The following MEG3 variants were observed in gnomAD, a reference collection of about 807,000 sequenced individuals.
MEG3 encodes the protein Very putative protein from MEG3 locus.
intron 2 of MEG3, among the ~76,000 whole-genome samples, chr14:100,841,176 C>A (rs896840303): frequency 6.6e-6 from 1 of 152,220 alleles, no homozygotes; most frequent in East Asian, 1.9e-4. Context: ...GCACCAGGGA[C>A]AAAGTCCCTG....
chr14:100,842,789 T>A, intron 2 of MEG3, among the ~76,000 whole-genome samples: 1 of 152,214 alleles, frequency 6.6e-6, no homozygotes. Flanking sequence ...AGCTAGAGTT[T>A]TCTAATCCCA....
At chr14:100,832,042 A>C (rs1408710651), downstream of MEG3, 1 of 152,218 alleles carries the variant, frequency 6.6e-6, no homozygotes, top group African/African-American at 2.4e-5. Context: ...CGAAGAGAGA[A>C]GAAAGAAGTG....
At chr14:100,832,746 C>A (rs1215166534), downstream of MEG3, 2 of 152,614 alleles carry the variant, frequency 1.3e-5, no homozygotes, top group Non-Finnish European at 2.9e-5. Context: ...AAGTCTTTGC[C>A]TCTGTCCCAG....
rs1006834719 is a variant in MEG3 at position 100,837,701 on chromosome 14, G to A, written n.3045+1401G>A. Among the ~76,000 whole-genome samples the A allele has an allele frequency of 2.8e-4, 42 of 150,892 alleles. 1 individual carries two copies. Among genetic ancestry groups the A allele is most frequent in the Non-Finnish European group, 5.3e-4 (36 of 67,896 alleles). On this transcript the variant is annotated intron_variant and non_coding_transcript_variant, in intron 2 of 3. Coordinates refer to the MEG3 transcript ENST00000398461. The surrounding 1 kb of genome is among the most constrained non-coding windows in gnomAD (Gnocchi z 5.8). Reference sequence around the variant, plus strand: ...CCCCGGAGTGTCTCTGGTTTCCGACGCAGCCTCGTAATGCTCTTTAATCAA... The same window carrying A: ...CCCCGGAGTGTCTCTGGTTTCCGACACAGCCTCGTAATGCTCTTTAATCAA...
intron 2 of MEG3, among the ~76,000 whole-genome samples, chr14:100,839,947 C>CTG (rs3075324): frequency 0.44 from 67,513 of 151,944 alleles, 15,219 homozygotes; most frequent in Admixed American, 0.47. Flanking sequence ...CCATGGAAAA[C>CTG]TGGTCACTTT....
At chr14:100,834,999 C>G (rs1372475926) in exon 1 of MEG3, 4 of 361,154 alleles carry the variant, frequency 1.1e-5, no homozygotes, top group African/African-American at 8.5e-5. Context: ...TGGGCACCGG[C>G]CACCGTAGCC....
intron 3 of MEG3, chr14:100,848,765 G>A (rs1355816372): frequency 1.3e-5 from 2 of 152,164 alleles, no homozygotes; most frequent in African/African-American, 4.8e-5. Flanking sequence ...AAGAATAAAT[G>A]CGTGCATTCC....
At chr14:100,831,119 T>G (rs910262236), downstream of MEG3, 19 of 153,204 alleles carry the variant, frequency 1.2e-4, no homozygotes, top group African/African-American at 4.6e-4. Context: ...TGAATGTTTC[T>G]GTCACTTTTT....
intron 3 of MEG3, chr14:100,847,178 C>G (rs1830362386): frequency 6.6e-6 from 1 of 151,308 alleles, no homozygotes; most frequent in Admixed American, 6.6e-5. Context: ...CAAAGAATAG[C>G]AAAGAAAGAA....
intron 2 of MEG3, among the ~76,000 whole-genome samples, chr14:100,842,590 C>T (rs1050705808): frequency 6.6e-6 from 1 of 152,182 alleles, no homozygotes; most frequent in Admixed American, 6.5e-5. Flanking sequence ...AGTACGAGAT[C>T]TGAGGCAAGA....
At chr14:100,847,221 C>A (rs2037943796) in intron 3 of MEG3, 1 of 151,902 alleles carries the variant, frequency 6.6e-6, no homozygotes, top group Non-Finnish European at 1.5e-5. Flanking sequence ...TGAGAGTGTA[C>A]TTTTACCAAA....
chr14:100,830,344 AACACACACACACAC>A (rs142049070), downstream of MEG3: 1 of 30,238 alleles, frequency 3.3e-5, no homozygotes, highest in Non-Finnish European at 7.4e-5. Context: ...TGGAGATTAA[AACACACACACACAC>A]ACACACACAC....
intron 2 of MEG3, among the ~76,000 whole-genome samples, chr14:100,844,973 T>C (rs1410736509): frequency 2.0e-5 from 3 of 152,126 alleles, no homozygotes; most frequent in African/African-American, 4.8e-5. Flanking sequence ...GTGTGTGCCA[T>C]GGTTTTGGGA....
chr14:100,850,062 G>A (rs1342065885), intron 3 of MEG3: 1 of 152,228 alleles, frequency 6.6e-6, no homozygotes, highest in Non-Finnish European at 1.5e-5. Context: ...ATGCGGGGAA[G>A]AAAGATTGCA....
chr14:100,845,373 C>G lies in MEG3; in HGVS notation n.3046-85C>G, dbSNP rs554706807. ...CTCCAGGCCACCCCTGCCCGCCCCC[C>G]AGAGCTGTTGTCCTCATCCGCCCTC... On this transcript the variant is annotated intron_variant and non_coding_transcript_variant, in intron 2 of 3. Coordinates refer to the MEG3 transcript ENST00000398461. The surrounding 1 kb of genome is among the most constrained non-coding windows in gnomAD (Gnocchi z 5.2). 2.5e-6 allele frequency: 1 copy of G among 393,038 alleles called. No homozygotes were observed. The allele number at this position is 393,038 out of a possible 1,614,324, so 24.3% of individuals were successfully genotyped here. A position where few individuals can be genotyped will look rare whatever the true frequency, so the allele number is the denominator to read the frequency against.
At chr14:100,843,926 G>C (rs2037836333) in intron 2 of MEG3, among the ~76,000 whole-genome samples, 1 of 143,468 alleles carries the variant, frequency 7.0e-6, no homozygotes, top group Admixed American at 7.5e-5. Flanking sequence ...TGTAATCTCT[G>C]CCTCCCACGT....
chr14:100,836,357 CCT>C, intron 2 of MEG3: 2 of 445,354 alleles, frequency 4.5e-6, no homozygotes, highest in Non-Finnish European at 4.5e-6. Context: ...TCATGTCTCT[CCT>C]CTCTGATCAA....
At chr14:100,829,619 G>A (rs532040398), downstream of MEG3, 2 of 152,332 alleles carry the variant, frequency 1.3e-5, no homozygotes, top group East Asian at 3.9e-4. Context: ...TAGAGGAGGT[G>A]ATCAGCAAAT....
intron 1 of MEG3, chr14:100,860,629 ACTCTTGT>A (rs1566744219): frequency 6.6e-6 from 3 of 455,384 alleles, no homozygotes; most frequent in Non-Finnish European, 1.3e-5. Context: ...CTGTCTGTGA[ACTCTTGT>A]CGGCCAGCGA....
Sources: allele counts gnomAD v4.1 joint callset (sites outside exome capture counted in the v4.1 genomes callset), GRCh38; gene constraint gnomAD v4.1.1; non-coding constraint Gnocchi (gnomAD v3.1); transcripts MANE v1.5; gene names NCBI Gene and HGNC (gene_info 2026-07-23, HGNC 2026-07-21).